The following NTM variants were observed in gnomAD, a reference collection of about 807,000 sequenced individuals.
The protein encoded by NTM is IgLON family member 2.
A neutral mutation model predicts 42.1 loss-of-function variants in NTM; 13 were observed. The observed-to-expected ratio is 0.31, with a 90% CI of 0.20 to 0.49. The LOEUF (loss-of-function observed/expected upper bound fraction) is 0.49. NTM is among the 20% of genes least tolerant of loss of function. NTM has a pLI of 0.99. For synonymous variants in NTM, 187 were observed against 179.2 expected, an observed-to-expected ratio of 1.04 and a Z score of -0.35; for missense variants, 373 against 452.8, an observed-to-expected ratio of 0.82 and a Z score of 1.60.
At chr11:131,490,359 A>C (rs1954649952) in intron 1 of NTM, among the ~76,000 whole-genome samples, 1 of 152,162 alleles carries the variant, frequency 6.6e-6, no homozygotes, top group African/African-American at 2.4e-5. Context: ...ATAAAATTTC[A>C]TTGTCTGTTG....
At chr11:132,213,513 T>G (rs1442201590) in intron 4 of NTM, among the ~76,000 whole-genome samples, 2 of 152,090 alleles carry the variant, frequency 1.3e-5, no homozygotes, top group African/African-American at 4.8e-5. Flanking sequence ...CAGCCGGTCC[T>G]TCTGTGAGGC....
intron 1 of NTM, among the ~76,000 whole-genome samples, chr11:131,430,440 G>C (rs1334962761): frequency 1.3e-5 from 2 of 152,198 alleles, no homozygotes; most frequent in Non-Finnish European, 2.9e-5. Flanking sequence ...GAAATCCAGG[G>C]AGGTATGAGG....
At chr11:132,093,780 C>T (rs936254987) in intron 2 of NTM, among the ~76,000 whole-genome samples, 1 of 152,166 alleles carries the variant, frequency 6.6e-6, no homozygotes, top group Non-Finnish European at 1.5e-5. Context: ...TTTCATATGC[C>T]AGTAACTAGT....
chr11:132,307,533 G>C (rs1435287504), intron 4 of NTM, 156 bp from the exon 5 acceptor site: 5 of 502,538 alleles, frequency 9.9e-6, no homozygotes, highest in Non-Finnish European at 1.3e-5. Flanking sequence ...GTGTAGAAGA[G>C]ACGGAGGAGG....
At chr11:132,255,314 C>G (rs1022761891) in intron 4 of NTM, among the ~76,000 whole-genome samples, 1 of 152,158 alleles carries the variant, frequency 6.6e-6, no homozygotes, top group African/African-American at 2.4e-5. Flanking sequence ...ATCCAAACTT[C>G]TTTCTCTCCT....
chr11:131,832,889 T>A (rs2042998444), intron 1 of NTM, among the ~76,000 whole-genome samples: 1 of 152,234 alleles, frequency 6.6e-6, no homozygotes, highest in Non-Finnish European at 1.5e-5. Flanking sequence ...AAGCTAATTT[T>A]AAAATATAAT....
At chr11:132,144,730 C>G (rs968880782) in intron 2 of NTM, among the ~76,000 whole-genome samples, 1 of 152,172 alleles carries the variant, frequency 6.6e-6, no homozygotes, top group Non-Finnish European at 1.5e-5. Context: ...CCAAGCTAGG[C>G]CTTCACTCAT....
intron 4 of NTM, among the ~76,000 whole-genome samples, chr11:132,288,922 G>A (rs144244032): frequency 3.0e-4 from 46 of 152,178 alleles, no homozygotes; most frequent in African/African-American, 1.1e-3. Context: ...TGCCTGGTGC[G>A]ATAATTTCTA....
At chr11:131,915,341 G>A (rs534746634) in intron 2 of NTM, among the ~76,000 whole-genome samples, 1 of 152,272 alleles carries the variant, frequency 6.6e-6, no homozygotes, top group South Asian at 2.1e-4. Flanking sequence ...CTTAGACCCT[G>A]TTTTCCAGTG....
chr11:132,170,916 G>A (rs1274189356), intron 3 of NTM, among the ~76,000 whole-genome samples: 3 of 152,164 alleles, frequency 2.0e-5, no homozygotes, highest in Non-Finnish European at 4.4e-5. Flanking sequence ...GATGCCTATT[G>A]TAGTCCTTAA....
intron 1 of NTM, among the ~76,000 whole-genome samples, chr11:131,761,317 C>A (rs1232794449): frequency 6.6e-6 from 1 of 152,136 alleles, no homozygotes; most frequent in African/African-American, 2.4e-5. Flanking sequence ...AGGATCCACA[C>A]CTAACAAGAA....
chr11:132,212,925 A>G (rs2083109214), intron 4 of NTM, among the ~76,000 whole-genome samples: 1 of 152,116 alleles, frequency 6.6e-6, no homozygotes, highest in South Asian at 2.1e-4. Context: ...AAGTTTTCAC[A>G]CTCATGAACT....
At chr11:131,476,113 G>T (rs1355010418) in intron 1 of NTM, among the ~76,000 whole-genome samples, 1 of 152,130 alleles carries the variant, frequency 6.6e-6, no homozygotes, top group Non-Finnish European at 1.5e-5. Context: ...ATTCTTCTTA[G>T]TCTGTGCAAG....
At chr11:131,553,098 G>T (rs112126242) in intron 1 of NTM, among the ~76,000 whole-genome samples, 1,575 of 152,190 alleles carry the variant, frequency 0.01, 24 homozygotes, top group African/African-American at 0.036. Flanking sequence ...GAAAAATCGA[G>T]GGCATGGTTA....
chr11:131,757,608 T>C (rs1473058145), intron 1 of NTM, among the ~76,000 whole-genome samples: 2 of 152,156 alleles, frequency 1.3e-5, no homozygotes, highest in Non-Finnish European at 2.9e-5. Flanking sequence ...AGGTTTCCAT[T>C]AGCTCAGGGG....
In NTM at chr11:132,146,409, A is replaced by C; in HGVS notation, c.295A>C (p.Ser99Arg). The C allele has an allele frequency of 6.2e-7, 1 of 1,614,186 alleles. No homozygotes were observed. Among genetic ancestry groups the C allele is most frequent in the Non-Finnish European group, 8.5e-7 (1 of 1,180,026 alleles). ...TCTGAGCAACACCCAAACGCAGTAC[A>C]GCATCGAGATCCAGAACGTGGATGT... ...VLLSNTQTQY[S>R]IEIQNVDVYD... Residue 99 changes from serine to arginine, a missense_variant, in exon 3 of 9, where the codon AGC becomes CGC. By Grantham distance (110) the Ser-to-Arg change is moderately radical. This residue lies in a region of NTM where 312 missense variants were observed against 353.5 expected (regional missense o/e 0.88). Transcript: ENST00000683400. This position sits in a 1 kb window ranked among gnomAD's most constrained non-coding sequence, Gnocchi z 4.5.
chr11:132,275,806 G>A (rs1422668411), intron 4 of NTM, among the ~76,000 whole-genome samples: 3 of 140,800 alleles, frequency 2.1e-5, no homozygotes, highest in Non-Finnish European at 4.7e-5. Flanking sequence ...TATAGCCATC[G>A]CCTCATGTAT....
At chr11:131,861,472 C>T (rs906010270) in intron 1 of NTM, among the ~76,000 whole-genome samples, 1 of 152,104 alleles carries the variant, frequency 6.6e-6, no homozygotes, top group Non-Finnish European at 1.5e-5. Context: ...CCTTCTATGT[C>T]CTCTATCTAG....
intron 2 of NTM, among the ~76,000 whole-genome samples, chr11:132,048,753 C>T (rs934692797): frequency 9.9e-5 from 15 of 151,864 alleles, no homozygotes; most frequent in Non-Finnish European, 1.6e-4. Context: ...CCAGCAATAT[C>T]GACAACAAGA....
Sources: allele counts gnomAD v4.1 joint callset (sites outside exome capture counted in the v4.1 genomes callset), GRCh38; gene constraint gnomAD v4.1.1; regional missense constraint gnomAD v4.1.1; non-coding constraint Gnocchi (gnomAD v3.1); transcripts MANE v1.5; gene names NCBI Gene and HGNC (gene_info 2026-07-23, HGNC 2026-07-21).